Variants in CERS6 observed in about 807,000 individuals in gnomAD.
The protein encoded by CERS6 is LAG1 homolog, ceramide synthase 6.
A neutral mutation model predicts 56.8 loss-of-function variants in CERS6; 26 were observed. The observed-to-expected ratio is 0.46, with a 90% CI of 0.34 to 0.63. The LOEUF is 0.63. Ranked by LOEUF, CERS6 falls within the 30% of genes least tolerant of loss-of-function variation. The pLI is 0.01. For missense variants in CERS6, 415 were observed against 467.5 expected, an observed-to-expected ratio of 0.89 and a Z score of 1.04; for synonymous variants, 164 against 173.3, an observed-to-expected ratio of 0.95 and a Z score of 0.42.
intron 1 of CERS6, among the ~76,000 whole-genome samples, chr2:168,471,872 A>G (rs77878657): frequency 0.044 from 6,694 of 152,240 alleles, 282 homozygotes; most frequent in African/African-American, 0.11. Context: ...ATATGATTAT[A>G]TATTTTGGGT....
chr2:168,693,351 A>G (rs1181233693), intron 5 of CERS6, among the ~76,000 whole-genome samples: 1 of 152,162 alleles, frequency 6.6e-6, no homozygotes, highest in Non-Finnish European at 1.5e-5. Flanking sequence ...CTCGTCGGAC[A>G]TAGTAATTAT....
chr2:168,614,151 A>T (rs1425590709), intron 3 of CERS6, among the ~76,000 whole-genome samples: 4 of 152,230 alleles, frequency 2.6e-5, no homozygotes, highest in African/African-American at 7.2e-5. Context: ...TAGAAAATAC[A>T]AATTATTGGT....
At chr2:168,589,051 C>CT in intron 3 of CERS6, among the ~76,000 whole-genome samples, 1 of 152,158 alleles carries the variant, frequency 6.6e-6, no homozygotes, top group East Asian at 1.9e-4. Flanking sequence ...CTGCTTAGTT[C>CT]TTTTGGGTAT....
chr2:168,766,810 C>G (rs1684743553), intron 9 of CERS6, among the ~76,000 whole-genome samples: 1 of 152,194 alleles, frequency 6.6e-6, no homozygotes, highest in African/African-American at 2.4e-5. Context: ...TCTGACTCAT[C>G]AAGGTCAACA....
intron 1 of CERS6, among the ~76,000 whole-genome samples, chr2:168,505,382 CAAAAAAAAAAAAA>C: frequency 1.0e-5 from 1 of 96,382 alleles, no homozygotes; most frequent in Middle Eastern, 7.9e-3. Context: ...ACCCTGTTTC[CAAAAAAAAAAAAA>C]AAAAAAGAAA....
At chr2:168,664,688 A>G (rs1023698990) in intron 4 of CERS6, among the ~76,000 whole-genome samples, 12 of 152,144 alleles carry the variant, frequency 7.9e-5, no homozygotes, top group African/African-American at 2.7e-4. Flanking sequence ...GTGGGAGTGT[A>G]GCAGTGAGGA....
chr2:168,735,491 G>A (rs1337306160), intron 8 of CERS6, among the ~76,000 whole-genome samples: 1 of 152,090 alleles, frequency 6.6e-6, no homozygotes, highest in Non-Finnish European at 1.5e-5. Context: ...GACCGTTTCA[G>A]GGCTCTATGA....
chr2:168,456,702 C>T lies in CERS6; in HGVS notation c.170+84C>T, dbSNP rs1169630025. 14 of 1,364,560 alleles carry T rather than the reference C, an allele frequency of 1.0e-5. No homozygotes were observed. Among genetic ancestry groups the T allele is most frequent in the Non-Finnish European group, 1.4e-5 (14 of 988,824 alleles). The allele number at this position is 1,364,560 out of a possible 1,614,324, so 84.5% of individuals were successfully genotyped here. A position where few individuals can be genotyped will look rare whatever the true frequency, so the allele number is the denominator to read the frequency against. On this transcript the variant is annotated intron_variant, in intron 1 of 9. Transcript: ENST00000305747. This position sits in a 1 kb window ranked among gnomAD's most constrained non-coding sequence, Gnocchi z 4.1. ...CTCGCGCGCTCTCTGGCGCACGCCC[C>T]CGCGCCCCCAACGCTCGCGTTCACG...
At chr2:168,725,143 G>T (rs1683310222) in intron 8 of CERS6, among the ~76,000 whole-genome samples, 1 of 152,254 alleles carries the variant, frequency 6.6e-6, no homozygotes, top group Non-Finnish European at 1.5e-5. Flanking sequence ...TGGCCCGGGT[G>T]CTAAGCCCCT....
intron 9 of CERS6, chr2:168,766,489 G>GTGAAC: frequency 1.3e-6 from 1 of 756,420 alleles, no homozygotes; most frequent in East Asian, 2.5e-5. Flanking sequence ...CTGTAGCTCT[G>GTGAAC]TGAACTGCAA....
chr2:168,479,384 G>A (rs76016414), intron 1 of CERS6, among the ~76,000 whole-genome samples: 5 of 152,206 alleles, frequency 3.3e-5, no homozygotes, highest in Admixed American at 2.0e-4. Context: ...ATGTGTGTGT[G>A]TATATATAAT....
intron 4 of CERS6, among the ~76,000 whole-genome samples, chr2:168,640,508 A>T (rs1193106566): frequency 6.6e-6 from 1 of 152,232 alleles, no homozygotes; most frequent in Non-Finnish European, 1.5e-5. Flanking sequence ...ACCATGGATG[A>T]AACAGTCTGA....
At chr2:168,716,760 T>C (rs970562107) in intron 7 of CERS6, among the ~76,000 whole-genome samples, 8 of 152,270 alleles carry the variant, frequency 5.3e-5, no homozygotes, top group African/African-American at 1.9e-4. Flanking sequence ...GTGTTACACC[T>C]GAAGTGTTCA....
At chr2:168,581,170 C>T (rs961148450) in intron 3 of CERS6, among the ~76,000 whole-genome samples, 2 of 152,054 alleles carry the variant, frequency 1.3e-5, no homozygotes, top group African/African-American at 4.8e-5. Context: ...AGGTGAGTGC[C>T]ACTACACCTG....
At chr2:168,509,900 T>TAAACAAAC (rs5836185) in intron 1 of CERS6, among the ~76,000 whole-genome samples, 1 of 152,058 alleles carries the variant, frequency 6.6e-6, no homozygotes, top group Non-Finnish European at 1.5e-5. Context: ...GTCTCTACGA[T>TAAACAAAC]AAACAAACAA....
intron 4 of CERS6, among the ~76,000 whole-genome samples, chr2:168,645,268 C>A: frequency 7.0e-6 from 1 of 141,852 alleles, no homozygotes; most frequent in African/African-American, 2.6e-5. Flanking sequence ...CCCACCTTAC[C>A]CAAGAAGAAT....
chr2:168,584,712 T>A (rs1559008766), intron 3 of CERS6, among the ~76,000 whole-genome samples: 1 of 152,234 alleles, frequency 6.6e-6, no homozygotes, highest in East Asian at 1.9e-4. Flanking sequence ...TTCACTGAAA[T>A]TGAGAGGTAC....
At chr2:168,583,467 T>G (rs1054769396) in intron 3 of CERS6, among the ~76,000 whole-genome samples, 3 of 152,240 alleles carry the variant, frequency 2.0e-5, no homozygotes, top group African/African-American at 4.8e-5. Context: ...CTTTCCTTGC[T>G]TCTTTTTCAT....
At chr2:168,744,463 T>C (rs148709587) in intron 8 of CERS6, among the ~76,000 whole-genome samples, 2 of 152,276 alleles carry the variant, frequency 1.3e-5, no homozygotes, top group East Asian at 1.9e-4. Context: ...AAACGCATGC[T>C]TCAGACCCTC....
Sources: allele counts gnomAD v4.1 joint callset (sites outside exome capture counted in the v4.1 genomes callset), GRCh38; gene constraint gnomAD v4.1.1; non-coding constraint Gnocchi (gnomAD v3.1); transcripts MANE v1.5; gene names NCBI Gene and HGNC (gene_info 2026-07-23, HGNC 2026-07-21).